The following MROH2B variants were observed in gnomAD, a reference collection of about 807,000 sequenced individuals.
MROH2B encodes the protein maestro heat-like repeat-containing protein family member 2B.
A neutral mutation model predicts 208.6 loss-of-function variants in MROH2B; 177 were observed. That is an observed-to-expected ratio of 0.85 (90% CI 0.75 to 0.96). The LOEUF (loss-of-function observed/expected upper bound fraction) is 0.96, where lower values mean the gene tolerates loss of function less well. MROH2B is among the 40% of genes least tolerant of loss of function. MROH2B has a pLI of 0.00. For synonymous variants in MROH2B, 728 were observed against 659.0 expected, an observed-to-expected ratio of 1.10 and a Z score of -1.60; for missense variants, 2,002 against 1,878.7, an observed-to-expected ratio of 1.07 and a Z score of -1.21.
chr5:41,058,695 C>T (rs1185659757), intron 6 of MROH2B, among the ~76,000 whole-genome samples: 1 of 151,816 alleles, frequency 6.6e-6, no homozygotes, highest in African/African-American at 2.4e-5. Flanking sequence ...TTTTTTAAAC[C>T]TCTCTCTAAT....
At chr5:41,045,661 A>G in intron 18 of MROH2B, 85 bp downstream of exon 18, 2 of 934,186 alleles carry the variant, frequency 2.1e-6, no homozygotes, top group Admixed American at 3.9e-5. Flanking sequence ...CCTCCCTTTG[A>G]TTGTGATACA....
At chr5:41,032,901 A>G in intron 23 of MROH2B, 80 bp from the exon 24 acceptor site, 1 of 1,545,454 alleles carries the variant, frequency 6.5e-7, no homozygotes, top group South Asian at 1.2e-5. Context: ...TCATCAGACC[A>G]TTGGGTGCCC....
intron 11 of MROH2B, among the ~76,000 whole-genome samples, chr5:41,053,066 C>A (rs1028633397): frequency 2.6e-5 from 4 of 152,142 alleles, no homozygotes; most frequent in African/African-American, 9.7e-5. Context: ...CTCTCAAAGG[C>A]ATATTGTCTA....
intron 40 of MROH2B, among the ~76,000 whole-genome samples, chr5:40,999,419 C>T (rs1353039694): frequency 6.6e-6 from 1 of 151,978 alleles, no homozygotes; most frequent in East Asian, 1.9e-4. Flanking sequence ...GGACTTGGAG[C>T]CAGAAGGAGC....
intron 30 of MROH2B, among the ~76,000 whole-genome samples, chr5:41,011,632 T>C (rs949488988): frequency 2.6e-5 from 4 of 152,088 alleles, no homozygotes; most frequent in African/African-American, 7.2e-5. Flanking sequence ...TCTTACTCTC[T>C]TTGAGTTGCT....
chr5:41,055,959 C>A (rs1743436893), intron 9 of MROH2B, 104 bp from the exon 10 acceptor site: 1 of 764,106 alleles, frequency 1.3e-6, no homozygotes, highest in Non-Finnish European at 2.2e-6. Flanking sequence ...CCAAGGCACT[C>A]TTCAGTTGGT....
intron 3 of MROH2B, among the ~76,000 whole-genome samples, chr5:41,066,437 T>G (rs1743817882): frequency 6.6e-6 from 1 of 152,206 alleles, no homozygotes; most frequent in Non-Finnish European, 1.5e-5. Context: ...TTTGTTGCAT[T>G]TTGAAGCAAT....
chr5:41,034,069 T>C (rs1233794800), intron 21 of MROH2B: 1 of 984,704 alleles, frequency 1.0e-6, no homozygotes, highest in Non-Finnish European at 1.2e-6. Context: ...GCAGAGTCTT[T>C]CCCCCAGGTA....
chr5:41,014,319 A>C (rs1741868151), intron 29 of MROH2B, among the ~76,000 whole-genome samples: 1 of 152,082 alleles, frequency 6.6e-6, no homozygotes, highest in African/African-American at 2.4e-5. Flanking sequence ...TTGGCTTTTG[A>C]TTTCAAATAG....
At chr5:41,006,864 C>G (rs117256084) in intron 34 of MROH2B, among the ~76,000 whole-genome samples, 1 of 151,988 alleles carries the variant, frequency 6.6e-6, no homozygotes, top group African/African-American at 2.4e-5. Context: ...GAGGGATAAG[C>G]CTACATATTG....
intron 24 of MROH2B, among the ~76,000 whole-genome samples, chr5:41,021,603 T>C (rs114366502): frequency 0.029 from 4,411 of 152,178 alleles, 200 homozygotes; most frequent in African/African-American, 0.1. Context: ...ATAGGCCAGG[T>C]ATGGTGGTGC....
intron 11 of MROH2B, 49 bp from the exon 12 acceptor site, chr5:41,052,636 G>T: frequency 2.6e-6 from 4 of 1,511,650 alleles, no homozygotes; most frequent in Non-Finnish European, 3.6e-6. Flanking sequence ...TTTTGCAGAA[G>T]GGAAATTTAC....
At chr5:41,018,133 G>T (rs1321988171) in intron 27 of MROH2B, among the ~76,000 whole-genome samples, 163 bp from the exon 28 acceptor site, 1 of 152,148 alleles carries the variant, frequency 6.6e-6, no homozygotes, top group Non-Finnish European at 1.5e-5. Flanking sequence ...TAAGGGCAGT[G>T]GAGAAGTAAG....
Position 41,017,957 on chromosome 5 carries a change from A to G in MROH2B, c.2777T>C (p.Phe926Ser). Reference sequence around the variant, plus strand: ...AAGTCCAAGCAGTGAACCAATTTTAAAGTTCTCTGGTGCCTGCAGGATAAA... The same window carrying G: ...AAGTCCAAGCAGTGAACCAATTTTAGAGTTCTCTGGTGCCTGCAGGATAAA... ...LTNDIEAPEN[F>S]KIGSLLGLLA... Residue 926 changes from phenylalanine to serine, a missense_variant, in exon 28 of 42, where the codon TTT (phenylalanine) becomes TCT (serine). Coordinates refer to ENST00000399564, the MANE Select transcript of MROH2B (RefSeq NM_173489.5). 6.3e-7 allele frequency: 1 copy of G among 1,575,302 alleles called. No individual in the cohort carries two copies. The highest frequency in any genetic ancestry group is 2.3e-5 in the East Asian group (1 of 43,474).
intron 32 of MROH2B, 123 bp from the exon 33 acceptor site, chr5:41,008,916 T>A: frequency 9.6e-7 from 1 of 1,043,582 alleles, no homozygotes; most frequent in Non-Finnish European, 1.4e-6. Context: ...GGAGGGTTTA[T>A]TGTCTGGAAA....
intron 3 of MROH2B, 54 bp downstream of exon 3, chr5:41,067,054 T>A: frequency 1.1e-6 from 1 of 946,218 alleles, no homozygotes; most frequent in Non-Finnish European, 1.7e-6. Context: ...GATGTCCACA[T>A]GGGTGCAGTT....
intron 6 of MROH2B, 30 bp downstream of exon 6, chr5:41,061,540 C>T (rs1216688777): frequency 1.9e-6 from 3 of 1,569,690 alleles, no homozygotes; most frequent in Non-Finnish European, 2.6e-6. Context: ...ATAGGGACAT[C>T]CAGCTTGAGG....
In MROH2B at chr5:41,064,533, G is replaced by A. The variant is rs374206277; in HGVS notation, c.399C>T (p.Leu133=). ...QSIPFMMMTL[L]TMQTMLRLAE... ...CCAGCCTGAGCATGGTTTGCATGGT[G>A]AGCAGGGTCATCATCATGAAAGGAA... The change falls in exon 5 of 42, where the codon CTC becomes CTT. Residue 133 remains leucine, a synonymous_variant. Coordinates refer to ENST00000399564, the MANE Select transcript of MROH2B (RefSeq NM_173489.5). 87 of 1,613,388 alleles carry A rather than the reference G, an allele frequency of 5.4e-5. No individual in the cohort carries two copies. In the African/African-American group the frequency reaches 9.3e-4, roughly 17 times the overall value.
At chr5:41,049,845 T>C (rs1268923870) in intron 13 of MROH2B, among the ~76,000 whole-genome samples, 1 of 152,178 alleles carries the variant, frequency 6.6e-6, no homozygotes, top group Non-Finnish European at 1.5e-5. Context: ...GTTGAGAAGC[T>C]TGGGAGAGGA....
Sources: gnomAD v4.1 joint callset for allele counts (sites outside exome capture counted in the v4.1 genomes callset) on GRCh38, gnomAD v4.1.1 for gene constraint, MANE v1.5 for transcripts, NCBI Gene and HGNC (gene_info 2026-07-23, HGNC 2026-07-21) for gene names.